Variants in LRCH4 observed in about 807,000 individuals in gnomAD.
LRCH4 encodes the protein leucine-rich repeat and calponin homology domain-containing protein 4.
In LRCH4, 56 loss-of-function variants were observed where a neutral mutation model predicts 81.2. The ratio of observed to expected loss-of-function variants is 0.69; its 90% confidence interval spans 0.56 to 0.86. The LOEUF (loss-of-function observed/expected upper bound fraction) is 0.86, where lower values mean the gene tolerates loss of function less well. Ranked by LOEUF, LRCH4 falls within the 40% of genes least tolerant of loss-of-function variation. The pLI is 0.00. For missense variants in LRCH4, 895 were observed against 922.8 expected (o/e 0.97, Z 0.39); for synonymous variants, 442 against 409.7 (o/e 1.08, Z -0.95).
In LRCH4 at chr7:100,574,632, G is replaced by GCACA. The variant is rs1554348415; in HGVS notation, c.*471_*474dup. The stretch of plus-strand genomic sequence containing the variant: ...ACGCGGAGCAGACGCGCGCGCGCGC[G>GCACA]CACACACACACACACAGGCAGGGCG... On this transcript the variant is annotated 3_prime_UTR_variant, in exon 18 of 18. Transcript: ENST00000310300. 6.6e-5 allele frequency: 10 copies of GCACA among 152,114 alleles called. No homozygotes were observed. Among genetic ancestry groups the GCACA allele is most frequent in the South Asian group, 3.9e-4 (2 of 5,090 alleles). The allele number at this position is 152,114 out of a possible 1,614,324, so 9.4% of individuals were successfully genotyped here. A position where few individuals can be genotyped will look rare whatever the true frequency, so the allele number is the denominator to read the frequency against.
rs753827515 is a variant in LRCH4 at position 100,578,238 on chromosome 7, G to A, written c.869C>T (p.Pro290Leu). The part of the protein sequence containing the change: ...FSPCPAEDLF[P>L]GHRYDGGLDS... ...CAGCCCACCATCGTACCGATGTCCC[G>A]GAAATAGATCCTCTGCAGGGCTGGG... The change falls in exon 7 of 18, where the codon CCG (proline) becomes CTG (leucine). Residue 290 changes from proline to leucine, a missense_variant. Transcript: ENST00000310300. The surrounding 1 kb of genome is among the most constrained non-coding windows in gnomAD (Gnocchi z 5.7). The A allele has an allele frequency of 5.5e-5, 89 of 1,614,064 alleles. No individual in the cohort carries two copies. Among genetic ancestry groups the A allele is most frequent in the East Asian group, 4.5e-5 (2 of 44,898 alleles).
chr7:100,585,852 G>T (rs745685225), intron 1 of LRCH4, 29 bp downstream of exon 1: 5 of 1,539,018 alleles, frequency 3.2e-6, no homozygotes, highest in Non-Finnish European at 2.6e-6. Flanking sequence ...TGAGGGACCC[G>T]GTTGGGCCCG....
rs909331704 is a variant in LRCH4, at chr7:100,582,919, G to A, written c.221-460C>T. Among the ~76,000 whole-genome samples the A allele has an allele frequency of 7.9e-5, 12 of 152,166 alleles. No homozygotes were observed. In the South Asian group the frequency reaches 1.7e-3, roughly 21 times the overall value. On this transcript the variant is annotated intron_variant, in intron 1 of 17. Transcript: ENST00000310300. This position sits in a 1 kb window ranked among gnomAD's most constrained non-coding sequence, Gnocchi z 5.0. ...CCACAGGGAGTGCCCATCCCTCCTC[G>A]GGGCCCTTCTTCCCTACTCCAGTGT...
At position 100,583,756 on chromosome 7, in the gene LRCH4, T is replaced by TG. The variant is rs1441393387; in HGVS notation, c.221-1298dup. On this transcript the variant is annotated intron_variant, in intron 1 of 17. Transcript: ENST00000310300. This position sits in a 1 kb window ranked among gnomAD's most constrained non-coding sequence, Gnocchi z 4.3. ...TCAGAGATGACCGTTCTGGAGAGGG[T>TG]GGGGGGATGGCATTTGCCCCTCCCA... Among the ~76,000 whole-genome samples the TG allele has an allele frequency of 1.3e-5, 2 of 151,592 alleles. No homozygotes were observed. Among genetic ancestry groups the TG allele is most frequent in the African/African-American group, 4.9e-5 (2 of 41,212 alleles).
In LRCH4 at chr7:100,582,118, T is replaced by G. The variant is rs1248749705; in HGVS notation, c.415A>C (p.Arg139=). 1 of 1,612,830 alleles carries G rather than the reference T, an allele frequency of 6.2e-7. No homozygotes were observed. The highest frequency in any genetic ancestry group is 8.5e-7 in the Non-Finnish European group (1 of 1,179,884). ...LPPYICQLPL[R]VLIVSNNKLG... ...TTGTTGTTGCTGACGATGAGGACCC[T>G]CAGGGGCAGCTGGCAGATGTAGGGT... Residue 139 remains arginine (R), a synonymous_variant, in exon 3 of 18, where the codon AGG becomes CGG. Transcript: ENST00000310300. The surrounding 1 kb of genome is among the most constrained non-coding windows in gnomAD (Gnocchi z 5.0).
chr7:100,581,075 G>A (rs753432568), intron 4 of LRCH4, among the ~76,000 whole-genome samples: 2 of 152,206 alleles, frequency 1.3e-5, no homozygotes, highest in Admixed American at 6.5e-5. Context: ...GGAGCATCCC[G>A]ACTCAGGTGT....
chr7:100,583,557 C>T lies in LRCH4; in HGVS notation c.221-1098G>A, dbSNP rs775333500. Among the ~76,000 whole-genome samples, 6 of 152,178 alleles carry T rather than the reference C, an allele frequency of 3.9e-5. No homozygotes were observed. The highest frequency in any genetic ancestry group is 2.1e-4 in the South Asian group (1 of 4,834). ...GCAAAAGCAAGCAGAGGAGAGAAGC[C>T]GGGTATATCCCCCAAGGAAATGAGT... On this transcript the variant is annotated intron_variant, in intron 1 of 17. Transcript: ENST00000310300. The surrounding 1 kb of genome is among the most constrained non-coding windows in gnomAD (Gnocchi z 4.3).
chr7:100,583,468 C>T lies in LRCH4; in HGVS notation c.221-1009G>A, dbSNP rs57199390. The stretch of plus-strand genomic sequence containing the variant: ...TGGGAGGGGCCCAGGGCCCGCGAGG[C>T]GGAGTCCCAGGCCACAGACCTGGTG... On this transcript the variant is annotated intron_variant, in intron 1 of 17. Coordinates refer to ENST00000310300, the MANE Select transcript of LRCH4 (RefSeq NM_002319.5). This position sits in a 1 kb window ranked among gnomAD's most constrained non-coding sequence, Gnocchi z 4.3. Among the ~76,000 whole-genome samples, 1 of 152,162 alleles carries T rather than the reference C, an allele frequency of 6.6e-6. No homozygotes were observed. The highest frequency in any genetic ancestry group is 1.9e-4 in the East Asian group (1 of 5,190).
Position 100,582,609 on chromosome 7 carries a change from C to A in LRCH4, c.221-150G>T. On this transcript the variant is annotated intron_variant, in intron 1 of 17. Transcript: ENST00000310300. This position sits in a 1 kb window ranked among gnomAD's most constrained non-coding sequence, Gnocchi z 5.0. ...GGCCTCCCAGGAGAGATAACAAAGC[C>A]TTCTGCCAACGGGAGCACATTCCAG... 1.3e-6 allele frequency: 1 copy of A among 791,644 alleles called. No individual in the cohort carries two copies. Among genetic ancestry groups the A allele is most frequent in the Non-Finnish European group, 2.0e-6 (1 of 500,924 alleles). The allele number at this position is 791,644 out of a possible 1,614,324, so 49.0% of individuals were successfully genotyped here. A position where few individuals can be genotyped will look rare whatever the true frequency, so the allele number is the denominator to read the frequency against.
intron 15 of LRCH4, 105 bp downstream of exon 15, chr7:100,576,133 C>A: frequency 6.8e-7 from 1 of 1,474,788 alleles, no homozygotes; most frequent in Non-Finnish European, 9.3e-7. Context: ...AGGGGAGGTG[C>A]CAGAGTGGGC....
rs1020790846 is a variant in LRCH4 at position 100,576,560 on chromosome 7, G to C, written c.1552+134C>G. The C allele has an allele frequency of 3.7e-6, 3 of 810,098 alleles. No homozygotes were observed. In the African/African-American group the frequency reaches 5.2e-5, roughly 14 times the overall value. 50.2% of individuals were successfully genotyped at this position (810,098 alleles called of 1,614,324 possible). A position where few individuals can be genotyped will look rare whatever the true frequency, so the allele number is the denominator to read the frequency against. ...ATTACAGGTGTGAGCCACCACACCC[G>C]GCTTGCTTGTGGGATTTTCAACGCA... On this transcript the variant is annotated intron_variant, in intron 14 of 17. Transcript: ENST00000310300.
Position 100,575,348 on chromosome 7 carries a change from T to TCAG in LRCH4, c.1855-47_1855-45dup, listed in dbSNP as rs779817264. The TCAG allele has an allele frequency of 2.7e-6, 4 of 1,485,610 alleles. No individual in the cohort carries two copies. The highest frequency in any genetic ancestry group is 2.1e-5 in the Admixed American group (1 of 47,746). The allele number at this position is 1,485,610 out of a possible 1,614,324, so 92.0% of individuals were successfully genotyped here. ...GGTGGACAAGGACAAGGGACAGACG[T>TCAG]CAGCAGCAGCAGCAGGACAGTCCCT... is the stretch of plus-strand genomic sequence containing the variant. On this transcript the variant is annotated intron_variant, in intron 17 of 17. Coordinates refer to ENST00000310300, the MANE Select transcript of LRCH4 (RefSeq NM_002319.5). The surrounding 1 kb of genome is among the most constrained non-coding windows in gnomAD (Gnocchi z 5.3).
rs1447361074 is a variant in LRCH4, at chr7:100,583,858, G to C, written c.221-1399C>G. ...TGTGGACGAAGGGGGTGGAGACCGAGTTCTCAGAGTTCTGATGGGGTAGGC... is the reference window on the plus strand; with the variant it reads ...TGTGGACGAAGGGGGTGGAGACCGACTTCTCAGAGTTCTGATGGGGTAGGC... On this transcript the variant is annotated intron_variant, in intron 1 of 17. Transcript: ENST00000310300. This position sits in a 1 kb window ranked among gnomAD's most constrained non-coding sequence, Gnocchi z 4.3. The C allele has an allele frequency of 3.5e-6, 1 of 282,994 alleles. No individual in the cohort carries two copies. Among genetic ancestry groups the C allele is most frequent in the Admixed American group, 4.3e-5 (1 of 23,142 alleles). The allele number at this position is 282,994 out of a possible 1,614,324, so 17.5% of individuals were successfully genotyped here.
intron 1 of LRCH4, chr7:100,584,145 A>G (rs780730327): frequency 5.3e-5 from 24 of 456,266 alleles, no homozygotes; most frequent in Non-Finnish European, 8.8e-5. Flanking sequence ...CAGTCCGGGC[A>G]GCAAGGCACT....
In LRCH4 at chr7:100,581,807, G is replaced by A. The variant is rs1476360883; in HGVS notation, c.568C>T (p.Arg190Trp). The change falls in exon 4 of 18, where the codon CGG (arginine) becomes TGG (tryptophan). Residue 190 changes from arginine to tryptophan, a missense_variant. By Grantham distance (101) the Arg-to-Trp change is moderately radical. Coordinates refer to ENST00000310300, the MANE Select transcript of LRCH4 (RefSeq NM_002319.5). Reference protein sequence around the residue: ...GLSSLRDLNVRRNQLSTLPEE... With the variant: ...GLSSLRDLNVWRNQLSTLPEE... ...GGCAGCGTACTGAGCTGGTTCCTCC[G>A]GACATTGAGGTCCCGCAGGGAAGAG... 6.2e-6 allele frequency: 10 copies of A among 1,614,058 alleles called. No homozygotes were observed. Among genetic ancestry groups the A allele is most frequent in the South Asian group, 1.1e-5 (1 of 91,088 alleles).
intron 4 of LRCH4, chr7:100,581,554 T>A: frequency 2.0e-6 from 1 of 497,714 alleles, no homozygotes; most frequent in South Asian, 2.5e-5. Flanking sequence ...CTCTCCGCCA[T>A]CGGAGAGTAC....
At chr7:100,584,738 C>T (rs1254053230) in intron 1 of LRCH4, 2 of 456,662 alleles carry the variant, frequency 4.4e-6, no homozygotes, top group East Asian at 6.9e-5. Context: ...TGGTTCTCCC[C>T]AGAAGAGGGA....
Position 100,575,575 on chromosome 7 carries a change from TGGGCA to T in LRCH4, c.1854+125_1854+129del. 8.7e-7 allele frequency: 1 copy of T among 1,148,946 alleles called. No individual in the cohort carries two copies. The highest frequency in any genetic ancestry group is 1.3e-6 in the Non-Finnish European group (1 of 760,842). 71.2% of individuals were successfully genotyped at this position (1,148,946 alleles called of 1,614,324 possible). A position where few individuals can be genotyped will look rare whatever the true frequency, so the allele number is the denominator to read the frequency against. ...GGGGCATGCAGGGCAGGGGGCATGC[TGGGCA>T]GGGCAGGGGCAGCCTGTGCCTTCAT... On this transcript the variant is annotated intron_variant, in intron 17 of 17. Transcript: ENST00000310300. The surrounding 1 kb of genome is among the most constrained non-coding windows in gnomAD (Gnocchi z 5.3).
chr7:100,581,511 C>G, intron 4 of LRCH4: 2 of 401,562 alleles, frequency 5.0e-6, no homozygotes, highest in East Asian at 4.9e-5. Context: ...ATTTGTGCTC[C>G]TTTATCAAAG....
Sources: allele counts gnomAD v4.1 joint callset (sites outside exome capture counted in the v4.1 genomes callset), GRCh38; gene constraint gnomAD v4.1.1; non-coding constraint Gnocchi (gnomAD v3.1); transcripts MANE v1.5; gene names NCBI Gene and HGNC (gene_info 2026-07-23, HGNC 2026-07-21).